ILDR1: variants seen among roughly 807,000 people sequenced by gnomAD.
ILDR1 encodes immunoglobulin-like domain-containing receptor 1.
ILDR1 carries 56 observed loss-of-function variants against 62.4 expected under a neutral mutation model. That is an observed-to-expected ratio of 0.90 (90% CI 0.72 to 1.12). The LOEUF (loss-of-function observed/expected upper bound fraction) is 1.12. Ranked by LOEUF, ILDR1 falls within the 50% of genes most tolerant of loss-of-function variation. The pLI is 0.00. For missense variants in ILDR1, 736 were observed against 710.6 expected (o/e 1.04, Z -0.41); for synonymous variants, 284 against 277.8 (o/e 1.02, Z -0.22).
rs554966703 is a variant in ILDR1, at chr3:121,993,437, G to A, written c.1312C>T (p.Pro438Ser). The A allele has an allele frequency of 1.4e-5, 22 of 1,614,094 alleles. No individual in the cohort carries two copies. The African/African-American group carries it at 1.6e-4, about 12-fold the overall frequency. The change falls in exon 7 of 8, where the codon CCT becomes TCT. Residue 438 changes from proline (P) to serine (S), a missense_variant. Transcript: ENST00000344209. ...SEARWRPSHP[P>S]FRSRCQERPR... ...CTCTCCTGACAGCGGCTCCTGAAAG[G>A]AGGGTGGCTCGGCCGCCAGCGTGCC...
At chr3:122,041,503 T>C in the ILDR1 span, among the ~76,000 whole-genome samples, 5 of 152,164 alleles carry the variant, frequency 3.3e-5, no homozygotes, top group African/African-American at 1.2e-4. Context: ...AATTACACAG[T>C]TTCAGGTAGT....
At chr3:122,041,349 G>A in the ILDR1 span, among the ~76,000 whole-genome samples, 150 of 152,200 alleles carry the variant, frequency 9.9e-4, no homozygotes, top group African/African-American at 3.2e-3. Flanking sequence ...GTCCCTTTTT[G>A]TTCTCTCTCA....
the ILDR1 span, among the ~76,000 whole-genome samples, chr3:122,031,568 T>C: frequency 6.6e-6 from 1 of 152,158 alleles, no homozygotes; most frequent in East Asian, 1.9e-4. Flanking sequence ...ATGGGATCTT[T>C]GGGAAGTGAT....
intron 4 of ILDR1, 130 bp from the exon 5 acceptor site, chr3:122,001,584 C>A: frequency 6.8e-7 from 1 of 1,472,388 alleles, no homozygotes; most frequent in Admixed American, 1.7e-5. Context: ...AATATACTGG[C>A]AAAAAGGTAA....
At chr3:122,030,623 T>TTTTTTCTC in the ILDR1 span, among the ~76,000 whole-genome samples, 2 of 147,526 alleles carry the variant, frequency 1.4e-5, no homozygotes, top group African/African-American at 5.0e-5. Context: ...GCAAGGGTTT[T>TTTTTTCTC]TCTCTCTCTC....
upstream of ILDR1, among the ~76,000 whole-genome samples, chr3:122,026,428 G>C (rs1042259545): frequency 6.6e-6 from 1 of 152,294 alleles, no homozygotes; most frequent in East Asian, 1.9e-4. Context: ...CAATTAGTGT[G>C]GGGGTTGAGA....
Position 121,993,963 on chromosome 3 carries a change from G to C in ILDR1, c.786C>G (p.Ser262=), listed in dbSNP as rs143166091. 6.8e-6 allele frequency: 11 copies of C among 1,609,036 alleles called. No homozygotes were observed. The highest frequency in any genetic ancestry group is 8.5e-6 in the Non-Finnish European group (10 of 1,179,852). ...GCATCTGCGGGAGGCTGGACGGCAG[G>C]GACAAATCTGAATGGAAACAAGGAC... ...PMHPLLQRDL[S]LPSSLPQMPM... The change falls in exon 7 of 8, where the codon TCC becomes TCG. Residue 262 remains serine, a synonymous_variant. Transcript: ENST00000344209.
rs1200145211 is a variant in ILDR1 at position 121,993,633 on chromosome 3, A to G, written c.1116T>C (p.His372=). The change falls in exon 7 of 8, where the codon CAT becomes CAC. Residue 372 remains histidine, a synonymous_variant. Transcript: ENST00000344209. Reference sequence around the variant, plus strand: ...GGAGCTCCTGGTGGAAATCAGGGTAATGGTGGTGGCTTCTCCCCTCCCTCA... The same window carrying G: ...GGAGCTCCTGGTGGAAATCAGGGTAGTGGTGGTGGCTTCTCCCCTCCCTCA... The part of the protein sequence containing the change: ...WDLREGRSHH[H]YPDFHQELQD... The G allele has an allele frequency of 8.1e-6, 13 of 1,614,022 alleles. No homozygotes were observed. Among genetic ancestry groups the G allele is most frequent in the South Asian group, 1.1e-5 (1 of 91,090 alleles).
At chr3:122,027,229 A>G (rs528145438), upstream of ILDR1, among the ~76,000 whole-genome samples, 3 of 152,164 alleles carry the variant, frequency 2.0e-5, no homozygotes, top group Non-Finnish European at 4.4e-5. Context: ...CACTCTTGTC[A>G]TCCAGGCTGG....
the ILDR1 span, among the ~76,000 whole-genome samples, chr3:122,058,966 G>A: frequency 2.0e-5 from 3 of 152,146 alleles, no homozygotes; most frequent in African/African-American, 4.8e-5. Context: ...GACACTGGGA[G>A]AGGAGGAGAG....
chr3:122,052,968 C>T, the ILDR1 span, among the ~76,000 whole-genome samples: 6 of 152,170 alleles, frequency 3.9e-5, no homozygotes, highest in African/African-American at 1.4e-4. Flanking sequence ...GGCCCTGTGC[C>T]GAGAGGACAG....
chr3:121,989,134 T>A (rs777155000), intron 7 of ILDR1, among the ~76,000 whole-genome samples: 1 of 152,228 alleles, frequency 6.6e-6, no homozygotes, highest in African/African-American at 2.4e-5. Flanking sequence ...TCCTAAAATA[T>A]ACTGCTCAAA....
intron 1 of ILDR1, among the ~76,000 whole-genome samples, chr3:122,016,945 G>T (rs912073458): frequency 7.9e-5 from 12 of 152,212 alleles, no homozygotes; most frequent in African/African-American, 2.4e-4. Context: ...AATAAAGAAA[G>T]TGTCAAAATT....
the ILDR1 span, among the ~76,000 whole-genome samples, chr3:122,055,073 G>T: frequency 6.6e-6 from 1 of 151,858 alleles, no homozygotes; most frequent in Non-Finnish European, 1.5e-5. Context: ...TCTGTAGAAT[G>T]CCTCTTTATT....
rs763768266 is a variant in ILDR1 at position 122,001,400 on chromosome 3, A to G, written c.554T>C (p.Ile185Thr). 6.8e-6 allele frequency: 11 copies of G among 1,614,030 alleles called. No individual in the cohort carries two copies. Among genetic ancestry groups the G allele is most frequent in the East Asian group, 4.5e-5 (2 of 44,902 alleles). ...ACAGCACTGGCACCAGCACACTCCAATCAGCAGCAGGAGGAGGAGGGCTCC... is the reference window on the plus strand; with the variant it reads ...ACAGCACTGGCACCAGCACACTCCAGTCAGCAGCAGGAGGAGGAGGGCTCC... ...ILGALLLLLLIGVCWCQCCPQ... is the reference protein window; with the variant it reads ...ILGALLLLLLTGVCWCQCCPQ... Residue 185 changes from isoleucine (I) to threonine (T), a missense_variant, in exon 5 of 8, where the codon ATT becomes ACT. Ile to Thr is a moderately conservative substitution (Grantham distance 89). Coordinates refer to ENST00000344209, the MANE Select transcript of ILDR1 (RefSeq NM_001199799.2).
Position 122,004,247 on chromosome 3 carries a change from T to C in ILDR1, c.379+997A>G, listed in dbSNP as rs540371465. ...ACACAGCACATAAAGCCCATTGAAA[T>C]AGGCTCTGAATTATGTGCTACTCTA... On this transcript the variant is annotated intron_variant, in intron 3 of 7. Coordinates refer to ENST00000344209, the MANE Select transcript of ILDR1 (RefSeq NM_001199799.2). Among the ~76,000 whole-genome samples, 48 of 152,288 alleles carry C rather than the reference T, an allele frequency of 3.2e-4. 1 individual carries two copies. Among genetic ancestry groups the C allele is most frequent in the Admixed American group, 1.8e-3 (27 of 15,302 alleles).
intron 1 of ILDR1, among the ~76,000 whole-genome samples, chr3:122,009,021 C>A (rs181406125): frequency 3.6e-4 from 55 of 151,730 alleles, no homozygotes; most frequent in Admixed American, 5.3e-4. Flanking sequence ...GCAACGTTGA[C>A]CTCCTGGGTT....
intron 4 of ILDR1, 74 bp downstream of exon 4, chr3:122,001,671 T>C: frequency 6.3e-7 from 1 of 1,586,802 alleles, no homozygotes. Context: ...TTTCTGGTTT[T>C]TTTTTTTTTT....
chr3:121,996,858 C>T (rs538041280), intron 5 of ILDR1, among the ~76,000 whole-genome samples: 19 of 152,302 alleles, frequency 1.2e-4, no homozygotes, highest in African/African-American at 4.3e-4. Flanking sequence ...CCTCTCCACT[C>T]TTACAGAACC....
Sources: allele counts gnomAD v4.1 joint callset (sites outside exome capture counted in the v4.1 genomes callset), GRCh38; gene constraint gnomAD v4.1.1; transcripts MANE v1.5; gene names NCBI Gene and HGNC (gene_info 2026-07-23, HGNC 2026-07-21).